Variants in WWOX observed in about 807,000 individuals in gnomAD.
WWOX encodes WW domain containing oxidoreductase, also known as WW domain-containing oxidoreductase.
A neutral mutation model predicts 46.2 loss-of-function variants in WWOX; 69 were observed. The ratio of observed to expected loss-of-function variants is 1.49; its 90% CI spans 1.23 to 1.82. The LOEUF is 1.82. Among genes scored for constraint, WWOX ranks in the 40% most tolerant of loss-of-function variants. The probability of loss-of-function intolerance (pLI) is 0.00; values close to 1 mark genes in which losing one functional copy is unlikely to be tolerated. For missense variants in WWOX, 919 were observed against 542.6 expected (o/e 1.69, Z -6.89); for synonymous variants, 359 against 202.6 (o/e 1.77, Z -6.56).
chr16:79,049,930 G>C (rs1386450147), intron 8 of WWOX, among the ~76,000 whole-genome samples: 1 of 152,072 alleles, frequency 6.6e-6, no homozygotes, highest in Non-Finnish European at 1.5e-5. Flanking sequence ...AAAGCATGTG[G>C]TTCCATTAAG....
rs1305447422 is a variant in WWOX, at chr16:78,284,661, C to G, written c.517-102199C>G. On this transcript the variant is annotated intron_variant, in intron 5 of 8. Transcript: ENST00000566780. ...AAACTTGAGCAGAGAAATCATCATA[C>G]TAGCCACACACACTCTGCAGGCATT... is the stretch of plus-strand genomic sequence containing the variant. Among the ~76,000 whole-genome samples the G allele has an allele frequency of 2.0e-5, 3 of 152,192 alleles. 1 individual carries two copies. The South Asian group carries it at 6.2e-4, about 32-fold the overall frequency.
intron 8 of WWOX, among the ~76,000 whole-genome samples, chr16:79,159,968 C>T (rs1340194533): frequency 6.6e-6 from 1 of 151,926 alleles, no homozygotes. Flanking sequence ...GGATTCATAC[C>T]TAGGGGGCTT....
intron 5 of WWOX, among the ~76,000 whole-genome samples, chr16:78,361,726 C>T (rs554174428): frequency 3.9e-5 from 6 of 152,146 alleles, no homozygotes; most frequent in Non-Finnish European, 8.8e-5. Context: ...ATTCTCCCGT[C>T]TCAGCCTCCC....
intron 5 of WWOX, chr16:78,266,986 A>C (rs1178575599): frequency 1.3e-5 from 2 of 152,328 alleles, no homozygotes; most frequent in African/African-American, 4.8e-5. Context: ...TGCTATTCTC[A>C]TGATAGTGAA....
intron 8 of WWOX, among the ~76,000 whole-genome samples, chr16:78,802,371 T>G (rs2050913708): frequency 6.6e-6 from 1 of 151,964 alleles, no homozygotes; most frequent in Non-Finnish European, 1.5e-5. Context: ...GGTCTGTGAA[T>G]GGAATTGAAC....
chr16:78,141,157 A>C (rs2033971976), intron 4 of WWOX, among the ~76,000 whole-genome samples: 1 of 152,216 alleles, frequency 6.6e-6, no homozygotes, highest in Non-Finnish European at 1.5e-5. Flanking sequence ...TCGAATTGCA[A>C]AGGTGTTTAA....
At chr16:79,132,844 A>T (rs769848920) in intron 8 of WWOX, among the ~76,000 whole-genome samples, 2 of 152,220 alleles carry the variant, frequency 1.3e-5, no homozygotes, top group East Asian at 3.8e-4. Flanking sequence ...CAAGAGAAAC[A>T]GCTTTAATTC....
intron 5 of WWOX, among the ~76,000 whole-genome samples, chr16:78,212,234 A>G (rs1336789558): frequency 1.3e-5 from 2 of 152,158 alleles, no homozygotes; most frequent in African/African-American, 4.8e-5. Context: ...AGCTCACTCC[A>G]TGGAAAAGGG....
intron 5 of WWOX, among the ~76,000 whole-genome samples, chr16:78,215,422 G>A (rs528599588): frequency 3.3e-5 from 5 of 152,220 alleles, no homozygotes; most frequent in South Asian, 4.2e-4. Context: ...GTGAGTTCTC[G>A]TGAGATCTGA....
chr16:78,198,772 A>G (rs1256687495), intron 5 of WWOX, among the ~76,000 whole-genome samples: 1 of 152,160 alleles, frequency 6.6e-6, no homozygotes, highest in Non-Finnish European at 1.5e-5. Flanking sequence ...CGCATATGTC[A>G]ATATGTAAAC....
chr16:78,181,628 G>A (rs1196799122), intron 5 of WWOX, among the ~76,000 whole-genome samples: 3 of 152,116 alleles, frequency 2.0e-5, no homozygotes, highest in African/African-American at 4.8e-5. Flanking sequence ...TGCTATTGAC[G>A]AAATTTTCTA....
chr16:78,964,779 A>T (rs1465294190), intron 8 of WWOX, among the ~76,000 whole-genome samples: 1 of 152,206 alleles, frequency 6.6e-6, no homozygotes. Context: ...GGAGGAAAAA[A>T]TGATTTCATG....
At chr16:79,165,272 C>T (rs149890838) in intron 8 of WWOX, among the ~76,000 whole-genome samples, 4 of 152,092 alleles carry the variant, frequency 2.6e-5, no homozygotes, top group East Asian at 3.9e-4. Flanking sequence ...CTTGCCATTG[C>T]GGAGGTCAAT....
At chr16:78,370,153 G>T (rs958154326) in intron 5 of WWOX, among the ~76,000 whole-genome samples, 2 of 119,152 alleles carry the variant, frequency 1.7e-5, no homozygotes, top group African/African-American at 2.7e-5. Flanking sequence ...AAAAAAAAGG[G>T]CATGGATCTA....
chr16:78,407,604 T>A (rs1210950888), intron 6 of WWOX, among the ~76,000 whole-genome samples: 1 of 152,310 alleles, frequency 6.6e-6, no homozygotes, highest in African/African-American at 2.4e-5. Flanking sequence ...TGAAATGATA[T>A]GTCTCATTCT....
chr16:78,195,723 G>C (rs1281066233), intron 5 of WWOX, among the ~76,000 whole-genome samples: 1 of 150,488 alleles, frequency 6.6e-6, no homozygotes, highest in Non-Finnish European at 1.5e-5. Flanking sequence ...TTGGGAGGCT[G>C]AGGCAGGAGA....
At chr16:78,431,409 T>C (rs375145795) in intron 7 of WWOX, among the ~76,000 whole-genome samples, 2 of 152,200 alleles carry the variant, frequency 1.3e-5, no homozygotes, top group South Asian at 2.1e-4. Flanking sequence ...ACAAGACTCA[T>C]CTATAATTTC....
At chr16:78,975,858 C>G (rs1597227684) in intron 8 of WWOX, among the ~76,000 whole-genome samples, 2 of 152,276 alleles carry the variant, frequency 1.3e-5, no homozygotes, top group South Asian at 2.1e-4. Flanking sequence ...CGTAAGGACC[C>G]TTGCCATTAG....
At chr16:78,470,154 G>T (rs752088078) in intron 8 of WWOX, among the ~76,000 whole-genome samples, 37 of 152,174 alleles carry the variant, frequency 2.4e-4, no homozygotes, top group Non-Finnish European at 4.4e-4. Flanking sequence ...TGACACATGT[G>T]GCTTCCAGCA....
Sources: allele counts gnomAD v4.1 joint callset (sites outside exome capture counted in the v4.1 genomes callset), GRCh38; gene constraint gnomAD v4.1.1; transcripts MANE v1.5; gene names NCBI Gene and HGNC (gene_info 2026-07-23, HGNC 2026-07-21).